Variants in UNC13A observed in about 807,000 individuals in gnomAD.
UNC13A encodes unc-13 homolog A.
In UNC13A, 61 loss-of-function variants were observed where a neutral mutation model predicts 219.7. The ratio of observed to expected loss-of-function variants is 0.28; its 90% confidence interval spans 0.23 to 0.34. The LOEUF (loss-of-function observed/expected upper bound fraction) is 0.34, where lower values mean the gene tolerates loss of function less well. Ranked by LOEUF, UNC13A falls within the 10% of genes least tolerant of loss-of-function variation. UNC13A has a pLI of 1.00. For synonymous variants in UNC13A, 920 were observed against 884.6 expected (o/e 1.04, Z -0.71); for missense variants, 1,476 against 2,270.3 (o/e 0.65, Z 7.11).
intron 41 of UNC13A, among the ~76,000 whole-genome samples, chr19:17,614,836 C>T (rs2144938789): frequency 6.6e-6 from 1 of 152,318 alleles, no homozygotes; most frequent in South Asian, 2.1e-4. Flanking sequence ...CCCGCCCTCC[C>T]CCAGGCCGAT....
intron 5 of UNC13A, among the ~76,000 whole-genome samples, chr19:17,668,827 G>C (rs764205875): frequency 1.3e-5 from 2 of 151,008 alleles, no homozygotes; most frequent in Non-Finnish European, 3.0e-5. Context: ...ACAGGGTCTC[G>C]CTCTGTCACC....
chr19:17,674,757 CTG>C lies in UNC13A; in HGVS notation c.53-3_53-2del, dbSNP rs779557052. On this transcript the variant is annotated splice_acceptor_variant and splice_polypyrimidine_tract_variant and intron_variant, in intron 2 of 43. Coordinates refer to ENST00000519716, the MANE Select transcript of UNC13A (RefSeq NM_001080421.3). LOFTEE classifies it high-confidence loss of function. The surrounding 1 kb of genome is among the most constrained non-coding windows in gnomAD (Gnocchi z 5.0). ...AGGGTCACGTACGTGTTGAATTTCT[CTG>C]TGGCAGTGAGAGTAGGGGTCAGCGC... is the stretch of plus-strand genomic sequence containing the variant. 5.0e-5 allele frequency: 81 copies of C among 1,613,804 alleles called. No individual in the cohort carries two copies. The African/African-American group carries it at 5.7e-4, about 11-fold the overall frequency.
At chr19:17,640,810 G>A (rs1358818298) in intron 21 of UNC13A, 149 bp from the exon 22 acceptor site, 40 of 719,260 alleles carry the variant, frequency 5.6e-5, no homozygotes, top group Admixed American at 4.8e-4. Context: ...TTGGGTCTCC[G>A]CATCTCCTCT....
chr19:17,623,304 GTGGGGCTCCTC>G, intron 36 of UNC13A: 1 of 478,736 alleles, frequency 2.1e-6, no homozygotes, highest in Non-Finnish European at 3.7e-6. Flanking sequence ...GGAGTGGGTA[GTGGGGCTCCTC>G]TGGACTTCAG....
In UNC13A at chr19:17,688,351, G is replaced by C. The variant is rs1168162428; in HGVS notation, c.-152C>G. The C allele has an allele frequency of 3.1e-6, 4 of 1,295,166 alleles. No individual in the cohort carries two copies. In the African/African-American group the frequency reaches 4.7e-5, roughly 15 times the overall value. The allele number at this position is 1,295,166 out of a possible 1,614,324, so 80.2% of individuals were successfully genotyped here. ...ACCGGCCATCTTGGTTCAGCACCGG[G>C]GGCGCGGACAGCGCCTGACGTGGCG... On this transcript the variant is annotated 5_prime_UTR_variant, in exon 1 of 44. Coordinates refer to ENST00000519716, the MANE Select transcript of UNC13A (RefSeq NM_001080421.3).
intron 9 of UNC13A, 143 bp from the exon 10 acceptor site, chr19:17,656,541 G>T: frequency 1.1e-6 from 1 of 937,894 alleles, no homozygotes; most frequent in Admixed American, 3.1e-5. Context: ...ACACAGCCAT[G>T]ATCAGAAAAG....
chr19:17,675,047 G>C (rs887849166), intron 2 of UNC13A, among the ~76,000 whole-genome samples: 1 of 152,232 alleles, frequency 6.6e-6, no homozygotes, highest in Admixed American at 6.5e-5. Context: ...CCCTTTGCAG[G>C]CTGGGTGCAG....
Position 17,641,530 on chromosome 19 carries a change from C to T in UNC13A, c.2499G>A (p.Val833=). 6.2e-7 allele frequency: 1 copy of T among 1,613,968 alleles called. No homozygotes were observed. The highest frequency in any genetic ancestry group is 8.5e-7 in the Non-Finnish European group (1 of 1,179,896). ...GGATCTTCACGACCCCATTGTTCTGCACGTCGGTCACGAAGTGGAACAGGT... is the reference window on the plus strand; with the variant it reads ...GGATCTTCACGACCCCATTGTTCTGTACGTCGGTCACGAAGTGGAACAGGT... ...HENLFHFVTD[V]QNNGVVKIPD... is the part of the protein sequence containing the mutation. The change falls in exon 21 of 44, where the codon GTG becomes GTA. Residue 833 remains valine, a synonymous_variant. Transcript: ENST00000519716.
rs2076606917 is a variant in UNC13A, at chr19:17,611,814, C to CATG, written c.4597_4599dup (p.His1533dup). 6.2e-7 allele frequency: 1 copy of CATG among 1,614,200 alleles called. No homozygotes were observed. Among genetic ancestry groups the CATG allele is most frequent in the Admixed American group, 1.7e-5 (1 of 60,028 alleles). The stretch of plus-strand genomic sequence containing the variant: ...GTTCCTGGATGAGTGAACAGCTCAA[C>CATG]ATGGACAGAGACTTCACCCACAGGG... On this transcript the variant is annotated inframe_insertion, in exon 42 of 44. Transcript: ENST00000519716.
At chr19:17,679,854 C>A (rs535003254) in intron 1 of UNC13A, among the ~76,000 whole-genome samples, 5 of 152,280 alleles carry the variant, frequency 3.3e-5, no homozygotes, top group Admixed American at 3.3e-4. Flanking sequence ...TAAGCCTCAG[C>A]TCCTTCCTGC....
intron 30 of UNC13A, 52 bp from the exon 31 acceptor site, chr19:17,629,375 C>G: frequency 6.6e-7 from 1 of 1,517,584 alleles, no homozygotes; most frequent in Non-Finnish European, 9.0e-7. Context: ...CCAAGGCAGG[C>G]GCCAGTCGTC....
At chr19:17,608,022 C>T (rs1471925254) in intron 43 of UNC13A, among the ~76,000 whole-genome samples, 4 of 150,204 alleles carry the variant, frequency 2.7e-5, no homozygotes, top group Non-Finnish European at 5.9e-5. Context: ...GCTGGGATTA[C>T]AAGCGCCTGC....
At chr19:17,639,242 G>A (rs763645215) in intron 24 of UNC13A, 25 bp from the exon 25 acceptor site, 2 of 1,613,248 alleles carry the variant, frequency 1.2e-6, no homozygotes, top group Non-Finnish European at 1.7e-6. Context: ...AGAGGCATAG[G>A]CGGCCACAGC....
At position 17,618,451 on chromosome 19, in the gene UNC13A, C is replaced by G. The variant is rs547114726; in HGVS notation, c.4380G>C (p.Ala1460=). The G allele has an allele frequency of 1.6e-5, 25 of 1,590,912 alleles. No homozygotes were observed. Among genetic ancestry groups the G allele is most frequent in the Non-Finnish European group, 2.1e-5 (25 of 1,168,614 alleles). ...TGGTGTCCAGGGCCAACTCAACAAC[C>G]GCGCACTGCTTTGGGGTCAAGCTCT... ...EAKSLTPKQC[A]VVELALDTIK... is the part of the protein sequence containing the mutation. Residue 1460 remains alanine, a synonymous_variant, in exon 40 of 44, where the codon GCG becomes GCC. Transcript: ENST00000519716.
intron 25 of UNC13A, among the ~76,000 whole-genome samples, 160 bp from the exon 26 acceptor site, chr19:17,636,317 T>C (rs1016945151): frequency 2.6e-5 from 4 of 152,204 alleles, no homozygotes; most frequent in Admixed American, 2.6e-4. Context: ...ACTCATAAAC[T>C]GGCCCAAACA....
chr19:17,681,204 G>C (rs1285540936), intron 1 of UNC13A, among the ~76,000 whole-genome samples: 1 of 151,048 alleles, frequency 6.6e-6, no homozygotes, highest in Non-Finnish European at 1.5e-5. Context: ...ACTGACCCTG[G>C]ATTCTAATTA....
At chr19:17,615,169 A>C (rs1448656148) in intron 41 of UNC13A, among the ~76,000 whole-genome samples, 1 of 152,216 alleles carries the variant, frequency 6.6e-6, no homozygotes. Context: ...CTCGTGGGGC[A>C]GTTAAAGAAA....
intron 1 of UNC13A, among the ~76,000 whole-genome samples, chr19:17,680,875 TTTTC>T (rs1468703716): frequency 9.9e-4 from 114 of 115,250 alleles, no homozygotes; most frequent in Middle Eastern, 8.8e-3. Context: ...TCTTCTTTTT[TTTTC>T]TTTTCTTTTC....
chr19:17,670,933 TAAAATAAAATAA>T (rs1291343208), intron 4 of UNC13A, among the ~76,000 whole-genome samples: 2 of 148,432 alleles, frequency 1.3e-5, no homozygotes, highest in Non-Finnish European at 3.0e-5. Context: ...TAAAATAAAA[TAAAATAAAATAA>T]AATAAAATAA....
Sources: gnomAD v4.1 joint callset for allele counts (sites outside exome capture counted in the v4.1 genomes callset) on GRCh38, gnomAD v4.1.1 for gene constraint, Gnocchi (gnomAD v3.1) non-coding constraint, MANE v1.5 for transcripts, NCBI Gene and HGNC (gene_info 2026-07-23, HGNC 2026-07-21) for gene names.